Variants in IPCEF1 observed in about 807,000 individuals in gnomAD.
IPCEF1 encodes the protein interactor protein for cytohesin exchange factors 1.
Under a neutral mutation model 50.9 loss-of-function variants are expected in IPCEF1, and 31 were observed. That is an observed-to-expected ratio of 0.61 (90% confidence interval 0.46 to 0.82). The LOEUF (loss-of-function observed/expected upper bound fraction) is 0.82, where lower values mean the gene tolerates loss of function less well. IPCEF1 is among the 40% of genes least tolerant of loss of function. The pLI, the probability that IPCEF1 is intolerant of heterozygous loss-of-function variation, is 0.00. For synonymous variants in IPCEF1, 181 were observed against 192.0 expected, an observed-to-expected ratio of 0.94 and a Z score of 0.47; for missense variants, 458 against 514.0, an observed-to-expected ratio of 0.89 and a Z score of 1.05.
intron 1 of IPCEF1, among the ~76,000 whole-genome samples, chr6:154,338,660 C>A (rs1292783814): frequency 1.3e-5 from 2 of 151,554 alleles, no homozygotes; most frequent in Non-Finnish European, 3.0e-5. Flanking sequence ...TGCCCAATAA[C>A]GAAAATCCTA....
intron 5 of IPCEF1, among the ~76,000 whole-genome samples, chr6:154,228,328 C>T (rs1779433339): frequency 6.6e-6 from 1 of 151,784 alleles, no homozygotes; most frequent in Non-Finnish European, 1.5e-5. Context: ...AAGTTTCCTC[C>T]AGGTTCTATG....
intron 11 of IPCEF1, among the ~76,000 whole-genome samples, chr6:154,161,199 TTTTTC>T (rs747795945): frequency 1.5e-4 from 23 of 151,772 alleles, no homozygotes; most frequent in African/African-American, 4.6e-4. Flanking sequence ...TTACCCAATT[TTTTTC>T]TTTTCTTTTC....
At chr6:154,237,680 C>T (rs1780241681) in intron 5 of IPCEF1, among the ~76,000 whole-genome samples, 1 of 152,120 alleles carries the variant, frequency 6.6e-6, no homozygotes, top group Admixed American at 6.5e-5. Flanking sequence ...TACAAGACCT[C>T]ATAATAAAGT....
At chr6:154,294,611 T>C (rs1782593367) in intron 1 of IPCEF1, among the ~76,000 whole-genome samples, 1 of 152,048 alleles carries the variant, frequency 6.6e-6, no homozygotes, top group South Asian at 2.1e-4. Context: ...TGGCTTCCCC[T>C]GTTCTGGGGT....
At chr6:154,232,973 T>TC (rs1372706858) in intron 5 of IPCEF1, among the ~76,000 whole-genome samples, 2 of 150,550 alleles carry the variant, frequency 1.3e-5, no homozygotes, top group Non-Finnish European at 3.0e-5. Flanking sequence ...TCTTTTCTTT[T>TC]TTTTTTTTTT....
At chr6:154,293,205 A>T (rs1273789433) in intron 1 of IPCEF1, among the ~76,000 whole-genome samples, 2 of 152,242 alleles carry the variant, frequency 1.3e-5, no homozygotes, top group Non-Finnish European at 2.9e-5. Context: ...AGAAACAAAC[A>T]GGTTTCCCAA....
chr6:154,299,106 A>G (rs1469995669), intron 1 of IPCEF1, among the ~76,000 whole-genome samples: 1 of 141,732 alleles, frequency 7.1e-6, no homozygotes, highest in African/African-American at 2.5e-5. Context: ...TTCACAAATC[A>G]GTTGTGAATC....
chr6:154,290,144 G>A (rs1278897434), intron 1 of IPCEF1, among the ~76,000 whole-genome samples: 1 of 152,188 alleles, frequency 6.6e-6, no homozygotes, highest in Non-Finnish European at 1.5e-5. Flanking sequence ...TCAGGAGATG[G>A]CGAATGGGCC....
intron 10 of IPCEF1, among the ~76,000 whole-genome samples, chr6:154,180,386 CTATA>C (rs58975780): frequency 0.057 from 5,066 of 88,208 alleles, 118 homozygotes; most frequent in African/African-American, 0.081. Context: ...ACAACAACAA[CTATA>C]TATATATATA....
chr6:154,165,198 A>G (rs1462493384), intron 11 of IPCEF1, among the ~76,000 whole-genome samples: 1 of 152,142 alleles, frequency 6.6e-6, no homozygotes, highest in African/African-American at 2.4e-5. Flanking sequence ...GTGCTTAAAG[A>G]ATTATCACAA....
At chr6:154,331,409 G>GAAAGAA (rs1562292555) in intron 1 of IPCEF1, among the ~76,000 whole-genome samples, 4 of 42,936 alleles carry the variant, frequency 9.3e-5, no homozygotes, top group Non-Finnish European at 1.7e-4. Flanking sequence ...GAAAGAAAGA[G>GAAAGAA]AGAGAAAAAG....
At chr6:154,274,610 A>C (rs1245761618) in intron 2 of IPCEF1, among the ~76,000 whole-genome samples, 1 of 152,212 alleles carries the variant, frequency 6.6e-6, no homozygotes, top group Non-Finnish European at 1.5e-5. Context: ...TCTTGGAGGT[A>C]CAAAGCTCCC....
intron 1 of IPCEF1, among the ~76,000 whole-genome samples, chr6:154,331,425 G>GAGAGAGAGAAAAAGAA (rs1562292599): frequency 3.6e-4 from 44 of 122,818 alleles, no homozygotes; most frequent in African/African-American, 1.5e-3. Context: ...AAAAGAAAGA[G>GAGAGAGAGAAAAAGAA]AGAGAGAGAA....
At chr6:154,161,215 A>ATT (rs778278528) in intron 11 of IPCEF1, among the ~76,000 whole-genome samples, 312 of 133,858 alleles carry the variant, frequency 2.3e-3, no homozygotes, top group Middle Eastern at 3.7e-3. Flanking sequence ...TTTTCTTTTC[A>ATT]TTTTTTTTTT....
At chr6:154,317,897 A>G (rs183278777) in intron 1 of IPCEF1, among the ~76,000 whole-genome samples, 2 of 152,338 alleles carry the variant, frequency 1.3e-5, no homozygotes, top group East Asian at 1.9e-4. Flanking sequence ...ATGAATATTC[A>G]TAGCTAGTTT....
At chr6:154,278,610 C>T (rs1349945262) in intron 2 of IPCEF1, among the ~76,000 whole-genome samples, 1 of 152,290 alleles carries the variant, frequency 6.6e-6, no homozygotes, top group African/African-American at 2.4e-5. Flanking sequence ...TCCTACATCA[C>T]ATGCTTGATG....
intron 3 of IPCEF1, among the ~76,000 whole-genome samples, chr6:154,251,443 A>G (rs1239770846): frequency 6.6e-6 from 1 of 152,176 alleles, no homozygotes; most frequent in Non-Finnish European, 1.5e-5. Flanking sequence ...TAATCATATC[A>G]TGCTCGCATG....
In IPCEF1 at chr6:154,270,185, C is replaced by T. The variant is rs1781867454; in HGVS notation, c.-17-4221G>A. On this transcript the variant is annotated intron_variant, in intron 2 of 11. Coordinates refer to ENST00000367220, the MANE Select transcript of IPCEF1 (RefSeq NM_001130700.2). ...ACCCTAACGACAGGGTAACAAAACA[C>T]TTTTGTATATCAAGAGGTTTCCAGT... Among the ~76,000 whole-genome samples, 4 of 152,242 alleles carry T rather than the reference C, an allele frequency of 2.6e-5. No individual in the cohort carries two copies. In the South Asian group the frequency reaches 8.3e-4, roughly 32 times the overall value.
chr6:154,221,980 T>C (rs1778903686), intron 6 of IPCEF1, among the ~76,000 whole-genome samples: 1 of 152,256 alleles, frequency 6.6e-6, no homozygotes, highest in Non-Finnish European at 1.5e-5. Flanking sequence ...TTTAAAGTGA[T>C]AGAAATAACA....
Sources: allele counts gnomAD v4.1 joint callset (sites outside exome capture counted in the v4.1 genomes callset), GRCh38; gene constraint gnomAD v4.1.1; transcripts MANE v1.5; gene names NCBI Gene and HGNC (gene_info 2026-07-23, HGNC 2026-07-21).